The following RNF150 variants were observed in gnomAD, a reference collection of about 807,000 sequenced individuals.
RNF150 encodes ring finger protein 150.
RNF150 carries 24 observed loss-of-function variants against 39.3 expected under a neutral mutation model. The ratio of observed to expected loss-of-function variants is 0.61; its 90% CI spans 0.44 to 0.86. RNF150 has a LOEUF of 0.86. Among genes scored for constraint, RNF150 ranks in the 40% least tolerant of loss-of-function variants. RNF150 has a pLI of 0.00. For synonymous variants in RNF150, 255 were observed against 227.3 expected (o/e 1.12, Z -1.10); for missense variants, 502 against 587.8 (o/e 0.85, Z 1.51).
chr4:141,014,907 T>C (rs1735209792), intron 1 of RNF150, among the ~76,000 whole-genome samples: 1 of 152,226 alleles, frequency 6.6e-6, no homozygotes, highest in South Asian at 2.1e-4. Flanking sequence ...ACCAATGTCA[T>C]GGGCTTTTCC....
intron 1 of RNF150, among the ~76,000 whole-genome samples, chr4:141,000,669 GT>G (rs138370822): frequency 0.076 from 11,542 of 152,184 alleles, 495 homozygotes; most frequent in Middle Eastern, 0.16. Flanking sequence ...TTTTGACTTT[GT>G]TCTTGGCACA....
At chr4:141,175,437 G>T (rs2111178978) in intron 1 of RNF150, among the ~76,000 whole-genome samples, 1 of 152,342 alleles carries the variant, frequency 6.6e-6, no homozygotes, top group Non-Finnish European at 1.5e-5. Flanking sequence ...GATAATTTCA[G>T]ATAGTAGAAA....
chr4:140,872,353 C>T (rs1728980875), intron 6 of RNF150, among the ~76,000 whole-genome samples: 1 of 152,090 alleles, frequency 6.6e-6, no homozygotes, highest in African/African-American at 2.4e-5. Context: ...ATTTTTATTC[C>T]AGTTTATAGA....
chr4:140,906,308 AG>A (rs1302391230), intron 6 of RNF150, among the ~76,000 whole-genome samples: 1 of 152,132 alleles, frequency 6.6e-6, no homozygotes, highest in Non-Finnish European at 1.5e-5. Flanking sequence ...AAAATACTCA[AG>A]GAAAAAAAAA....
chr4:141,070,930 C>T (rs1176500111), intron 1 of RNF150, among the ~76,000 whole-genome samples: 2 of 141,810 alleles, frequency 1.4e-5, no homozygotes, highest in Non-Finnish European at 3.1e-5. Flanking sequence ...GACTCATGCA[C>T]ACGTATATTT....
intron 1 of RNF150, among the ~76,000 whole-genome samples, chr4:141,156,134 A>G (rs1233336211): frequency 1.3e-5 from 2 of 152,054 alleles, no homozygotes; most frequent in Non-Finnish European, 2.9e-5. Context: ...CTTCCATCCC[A>G]TCATGGCTGG....
chr4:140,918,397 T>C (rs1345564456), intron 5 of RNF150, among the ~76,000 whole-genome samples: 1 of 152,184 alleles, frequency 6.6e-6, no homozygotes, highest in Non-Finnish European at 1.5e-5. Context: ...CAGAGAATAG[T>C]ACAAACACCT....
intron 1 of RNF150, among the ~76,000 whole-genome samples, chr4:141,044,773 ACACACACACG>A (rs1172642943): frequency 2.7e-5 from 4 of 145,994 alleles, no homozygotes; most frequent in African/African-American, 5.3e-5. Flanking sequence ...TGTGCAGCGC[ACACACACACG>A]CACACACACA....
At chr4:141,210,073 A>G (rs1389511152) in intron 1 of RNF150, among the ~76,000 whole-genome samples, 1 of 152,076 alleles carries the variant, frequency 6.6e-6, no homozygotes, top group Non-Finnish European at 1.5e-5. Flanking sequence ...TATAAAAGCC[A>G]AAATTATTTG....
rs1491239373 is a variant in RNF150, at chr4:140,865,552, T to TC, written c.*2708dup. 6.9e-6 allele frequency: 1 copy of TC among 145,658 alleles called. No individual in the cohort carries two copies. The highest frequency in any genetic ancestry group is 1.5e-5 in the Non-Finnish European group (1 of 66,448). The allele number at this position is 145,658 out of a possible 1,614,324, so 9.0% of individuals were successfully genotyped here. A position where few individuals can be genotyped will look rare whatever the true frequency, so the allele number is the denominator to read the frequency against. ...ACTTTCTGGTTAAGCTTTTTTTTTT[T>TC]CTTTTTTTTTTTTTTTTTAAACTAT... On this transcript the variant is annotated 3_prime_UTR_variant, in exon 7 of 7. Coordinates refer to ENST00000515673, the MANE Select transcript of RNF150 (RefSeq NM_020724.2).
At chr4:141,050,380 C>T (rs936253922) in intron 1 of RNF150, among the ~76,000 whole-genome samples, 2 of 152,156 alleles carry the variant, frequency 1.3e-5, no homozygotes, top group African/African-American at 4.8e-5. Context: ...GCCTTCCCAA[C>T]AGTCTGCCAA....
intron 2 of RNF150, 150 bp from the exon 3 acceptor site, chr4:140,949,522 T>C: frequency 1.5e-6 from 1 of 663,016 alleles, no homozygotes; most frequent in Non-Finnish European, 2.6e-6. Flanking sequence ...GACAGGGCAG[T>C]GGCATTTGTG....
At chr4:140,980,798 T>C (rs1349349506) in intron 1 of RNF150, among the ~76,000 whole-genome samples, 15 of 152,176 alleles carry the variant, frequency 9.9e-5, no homozygotes, top group Admixed American at 7.9e-4. Context: ...TTAAATGTCT[T>C]TCCTTTATAA....
intron 5 of RNF150, among the ~76,000 whole-genome samples, chr4:140,914,409 T>G (rs1229071616): frequency 6.6e-6 from 1 of 152,262 alleles, no homozygotes; most frequent in Non-Finnish European, 1.5e-5. Flanking sequence ...AAATGCTATC[T>G]GCAAGTGAAA....
chr4:140,996,925 C>T (rs1231465086), intron 1 of RNF150: 2 of 152,100 alleles, frequency 1.3e-5, no homozygotes, highest in Admixed American at 1.3e-4. Flanking sequence ...GAGAACATTC[C>T]AGAATGTGAG....
At chr4:140,933,754 CATT>C (rs1578981545) in intron 4 of RNF150, among the ~76,000 whole-genome samples, 1 of 152,280 alleles carries the variant, frequency 6.6e-6, no homozygotes, top group East Asian at 1.9e-4. Context: ...AACTTCACAT[CATT>C]AAGTTATTTC....
intron 4 of RNF150, among the ~76,000 whole-genome samples, chr4:140,946,391 T>C (rs1248916103): frequency 2.0e-5 from 3 of 152,258 alleles, no homozygotes; most frequent in Admixed American, 2.0e-4. Flanking sequence ...AAACAGTCCT[T>C]AAGTTTACAT....
At chr4:141,162,997 G>C (rs370343581) in intron 1 of RNF150, among the ~76,000 whole-genome samples, 5 of 152,224 alleles carry the variant, frequency 3.3e-5, no homozygotes, top group African/African-American at 1.2e-4. Flanking sequence ...GGGAGCCAAC[G>C]GGTCTAACTC....
chr4:140,979,147 C>T (rs1018324942), intron 1 of RNF150, among the ~76,000 whole-genome samples: 2 of 152,042 alleles, frequency 1.3e-5, no homozygotes, highest in Non-Finnish European at 2.9e-5. Context: ...GCAGGTTTCA[C>T]ATCTCAGGAA....
Sources: allele counts gnomAD v4.1 joint callset (sites outside exome capture counted in the v4.1 genomes callset), GRCh38; gene constraint gnomAD v4.1.1; transcripts MANE v1.5; gene names NCBI Gene and HGNC (gene_info 2026-07-23, HGNC 2026-07-21).